AAK1: variants seen among roughly 807,000 people sequenced by gnomAD.
AAK1 encodes AP2-associated protein kinase 1.
AAK1 carries 37 observed loss-of-function variants against 116.0 expected under a neutral mutation model. That is an observed-to-expected ratio of 0.32 (90% CI 0.25 to 0.42). The LOEUF is 0.42. AAK1 is among the 10% of genes least tolerant of loss of function. AAK1 has a pLI of 1.00. For synonymous variants in AAK1, 458 were observed against 439.9 expected, an observed-to-expected ratio of 1.04 and a Z score of -0.51; for missense variants, 919 against 1,170.6, an observed-to-expected ratio of 0.79 and a Z score of 3.14.
rs1047710056 is a variant in AAK1, at chr2:69,601,352, TGATAA to T, written c.163+41521_163+41525del. On this transcript the variant is annotated intron_variant, in intron 2 of 21. Coordinates refer to ENST00000409085, the MANE Select transcript of AAK1 (RefSeq NM_014911.5). ...TAACTGGGCTCAGTAGAGAGTTGTC[TGATAA>T]GATAAGTCTGTAGCCAGAAGCGATG... 3.9e-5 allele frequency among the ~76,000 whole-genome samples: 6 copies of T among 152,368 alleles called. No individual in the cohort carries two copies. In the East Asian group the frequency reaches 5.8e-4, roughly 15 times the overall value.
In AAK1 at chr2:69,475,707, T is replaced by G. The variant is rs1173649602; in HGVS notation, c.*162A>C. On this transcript the variant is annotated 3_prime_UTR_variant, in exon 22 of 22. Transcript: ENST00000409085. ...TCTGGAGGGCCAAAGTGATTTTCTT[T>G]CCTTATCATTTCTACAGGAGAAGGC... 7.2e-6 allele frequency: 10 copies of G among 1,396,372 alleles called. No homozygotes were observed. The highest frequency in any genetic ancestry group is 9.3e-6 in the Non-Finnish European group (10 of 1,075,596). 86.5% of individuals were successfully genotyped at this position (1,396,372 alleles called of 1,614,324 possible). A position where few individuals can be genotyped will look rare whatever the true frequency, so the allele number is the denominator to read the frequency against.
At chr2:69,621,680 C>A (rs1674633928) in intron 2 of AAK1, among the ~76,000 whole-genome samples, 1 of 152,182 alleles carries the variant, frequency 6.6e-6, no homozygotes, top group African/African-American at 2.4e-5. Context: ...CCCAAGCACA[C>A]TGCAAACTGA....
intron 12 of AAK1, among the ~76,000 whole-genome samples, chr2:69,516,314 G>GAA (rs1271426999): frequency 6.1e-5 from 7 of 115,150 alleles, no homozygotes; most frequent in African/African-American, 1.2e-4. Context: ...AAGATTTCCA[G>GAA]AAAAAAAAAA....
In AAK1 at chr2:69,643,735, A is replaced by G; in HGVS notation, c.-395T>C. 8.3e-7 allele frequency: 1 copy of G among 1,207,568 alleles called. No individual in the cohort carries two copies. The highest frequency in any genetic ancestry group is 1.0e-6 in the Non-Finnish European group (1 of 972,696). The allele number at this position is 1,207,568 out of a possible 1,614,324, so 74.8% of individuals were successfully genotyped here. A position where few individuals can be genotyped will look rare whatever the true frequency, so the allele number is the denominator to read the frequency against. ...AGCTGATCCCGGGAGCGCCGGGCGGAGACTGACCCGCCGCCCCTCCCCCGC... is the reference window on the plus strand; with the variant it reads ...AGCTGATCCCGGGAGCGCCGGGCGGGGACTGACCCGCCGCCCCTCCCCCGC... On this transcript the variant is annotated 5_prime_UTR_variant, in exon 1 of 22. Coordinates refer to ENST00000409085, the MANE Select transcript of AAK1 (RefSeq NM_014911.5).
In AAK1 at chr2:69,544,265, C is replaced by A. The variant is rs61374418; in HGVS notation, c.391+171G>T. The A allele has an allele frequency of 8.7e-4, 506 of 578,550 alleles. 3 individuals carry two copies. In the East Asian group the frequency reaches 0.013, roughly 15 times the overall value. The allele number at this position is 578,550 out of a possible 1,614,324, so 35.8% of individuals were successfully genotyped here. ...AGTTCTATATTATCTACGTTTGTAC[C>A]GTTATAAGAATAACTAAGAGTTGAC... is the stretch of plus-strand genomic sequence containing the variant. On this transcript the variant is annotated intron_variant, in intron 4 of 21. Coordinates refer to ENST00000409085, the MANE Select transcript of AAK1 (RefSeq NM_014911.5).
intron 2 of AAK1, among the ~76,000 whole-genome samples, chr2:69,602,794 TCA>T (rs2105198884): frequency 6.6e-6 from 1 of 152,116 alleles, no homozygotes; most frequent in East Asian, 1.9e-4. Flanking sequence ...TAAACTAAGC[TCA>T]CTAAAAAAAG....
At chr2:69,519,269 G>A (rs1471954350) in intron 11 of AAK1, 29 bp from the exon 12 acceptor site, 1 of 1,496,150 alleles carries the variant, frequency 6.7e-7, no homozygotes, top group Non-Finnish European at 8.9e-7. Context: ...CCATGTAAGG[G>A]TTCCAAATGC....
At chr2:69,559,268 A>T (rs866984989) in intron 2 of AAK1, among the ~76,000 whole-genome samples, 4,463 of 117,302 alleles carry the variant, frequency 0.038, 220 homozygotes, top group African/African-American at 0.15. Context: ...TCTCTCACAC[A>T]CACACACACA....
Position 69,478,978 on chromosome 2 carries a change from T to C in AAK1, c.2653A>G (p.Thr885Ala), listed in dbSNP as rs779319060. 41 of 1,613,306 alleles carry C rather than the reference T, an allele frequency of 2.5e-5. No homozygotes were observed. In the East Asian group the frequency reaches 8.7e-4, roughly 34 times the overall value. Residue 885 changes from threonine to alanine, a missense_variant, in exon 20 of 22, where the codon ACA becomes GCA. Around this residue, in one of 4 missense-constraint regions of AAK1, gnomAD observed 263 missense variants for 285.5 expected, o/e 0.92. Transcript: ENST00000409085. The part of the protein sequence containing the change: ...TTDLLEEFAP[T>A]AISAPVHKAA... Reference sequence around the variant, plus strand: ...TTATGGACTGGAGCAGAGATTGCTGTGGGGGCAAACTCTTCCAGAAGGTCA... The same window carrying C: ...TTATGGACTGGAGCAGAGATTGCTGCGGGGGCAAACTCTTCCAGAAGGTCA...
At chr2:69,579,458 A>G (rs1157341798) in intron 2 of AAK1, among the ~76,000 whole-genome samples, 1 of 152,182 alleles carries the variant, frequency 6.6e-6, no homozygotes, top group Admixed American at 6.5e-5. Flanking sequence ...GCATGCCTAG[A>G]GACCCAACTA....
intron 2 of AAK1, among the ~76,000 whole-genome samples, chr2:69,640,051 ACACT>A (rs1345435050): frequency 2.6e-3 from 259 of 100,772 alleles, no homozygotes; most frequent in African/African-American, 9.9e-3. Flanking sequence ...ACACACACAC[ACACT>A]CTCTCTCTCT....
rs183427792 is a variant in AAK1 at position 69,574,643 on chromosome 2, G to A, written c.164-17665C>T. ...TTAAAAAAAAATAGTTTGTTTATAC[G>A]AAAGAACATTCTATAGCTAGTAAAA... is the stretch of plus-strand genomic sequence containing the variant. On this transcript the variant is annotated intron_variant, in intron 2 of 21. Transcript: ENST00000409085. Among the ~76,000 whole-genome samples, 11 of 151,940 alleles carry A rather than the reference G, an allele frequency of 7.2e-5. No individual in the cohort carries two copies. In the East Asian group the frequency reaches 7.8e-4, roughly 11 times the overall value.
chr2:69,590,193 A>C (rs1331903250), intron 2 of AAK1, among the ~76,000 whole-genome samples: 1 of 152,226 alleles, frequency 6.6e-6, no homozygotes, highest in South Asian at 2.1e-4. Context: ...TCCACAAACT[A>C]GACAAGGCGC....
At chr2:69,541,143 G>A (rs1670699807) in intron 5 of AAK1, among the ~76,000 whole-genome samples, 1 of 152,020 alleles carries the variant, frequency 6.6e-6, no homozygotes, top group Non-Finnish European at 1.5e-5. Flanking sequence ...TTTCTTTTGG[G>A]GATGATGAAA....
chr2:69,495,466 A>G (rs1675700975), intron 17 of AAK1, among the ~76,000 whole-genome samples: 1 of 152,202 alleles, frequency 6.6e-6, no homozygotes, highest in Non-Finnish European at 1.5e-5. Context: ...AAGGGAACCC[A>G]GGTCTCCTGA....
rs2104859254 is a variant in AAK1, at chr2:69,465,629, C to G, written c.*10240G>C. The G allele has an allele frequency of 7.7e-7, 1 of 1,290,876 alleles. No homozygotes were observed. Among genetic ancestry groups the G allele is most frequent in the African/African-American group, 1.5e-5 (1 of 65,946 alleles). The allele number at this position is 1,290,876 out of a possible 1,614,324, so 80.0% of individuals were successfully genotyped here. ...CTTCTGGGCTATAGTGACGGGAATA[C>G]TTGGATAAGGACTGGGGGCGGAATG... On this transcript the variant is annotated 3_prime_UTR_variant, in exon 22 of 22. Coordinates refer to ENST00000409085, the MANE Select transcript of AAK1 (RefSeq NM_014911.5).
intron 2 of AAK1, among the ~76,000 whole-genome samples, chr2:69,640,140 T>C (rs898166561): frequency 6.6e-6 from 1 of 151,850 alleles, no homozygotes; most frequent in African/African-American, 2.4e-5. Flanking sequence ...CTACCATTTA[T>C]TGAACACCTG....
chr2:69,490,637 G>T (rs1435241535), intron 17 of AAK1, among the ~76,000 whole-genome samples: 1 of 151,934 alleles, frequency 6.6e-6, no homozygotes, highest in African/African-American at 2.4e-5. Context: ...AAAATAGAGT[G>T]GTGGTTGCCA....
At chr2:69,514,839 T>G (rs1676520659) in intron 12 of AAK1, 90 bp from the exon 13 acceptor site, 1 of 1,410,386 alleles carries the variant, frequency 7.1e-7, no homozygotes, top group Admixed American at 2.8e-5. Context: ...AGACCAGTGC[T>G]AAAGCCAAAG....
Sources: allele counts gnomAD v4.1 joint callset (sites outside exome capture counted in the v4.1 genomes callset), GRCh38; gene constraint gnomAD v4.1.1; regional missense constraint gnomAD v4.1.1; transcripts MANE v1.5; gene names NCBI Gene and HGNC (gene_info 2026-07-23, HGNC 2026-07-21).